The following WWOX variants were observed in gnomAD, a reference collection of about 807,000 sequenced individuals.
The protein encoded by WWOX is WW domain-containing oxidoreductase.
Under a neutral mutation model 46.2 loss-of-function variants are expected in WWOX, and 69 were observed. The ratio of observed to expected loss-of-function variants is 1.49; its 90% CI spans 1.23 to 1.82. The LOEUF (loss-of-function observed/expected upper bound fraction) is 1.82. Among genes scored for constraint, WWOX ranks in the 40% most tolerant of loss-of-function variants. The pLI is 0.00. For synonymous variants in WWOX, 359 were observed against 202.6 expected (o/e 1.77, Z -6.56); for missense variants, 919 against 542.6 (o/e 1.69, Z -6.89).
intron 8 of WWOX, among the ~76,000 whole-genome samples, chr16:78,839,276 C>G (rs2052074231): frequency 6.6e-6 from 1 of 152,120 alleles, no homozygotes; most frequent in African/African-American, 2.4e-5. Flanking sequence ...TCCAGTCTCT[C>G]TCTTCTGTTC....
At chr16:78,633,222 A>G (rs990172955) in intron 8 of WWOX, among the ~76,000 whole-genome samples, 2 of 152,202 alleles carry the variant, frequency 1.3e-5, no homozygotes, top group Non-Finnish European at 2.9e-5. Flanking sequence ...AGATCGTGCC[A>G]CTGCGCTCCA....
intron 8 of WWOX, among the ~76,000 whole-genome samples, chr16:78,836,164 T>G (rs1294353252): frequency 6.7e-6 from 1 of 149,716 alleles, no homozygotes; most frequent in Non-Finnish European, 1.5e-5. Context: ...ATAACAGCAG[T>G]GGTTAACATG....
chr16:78,530,667 C>T (rs1240342651), intron 8 of WWOX, among the ~76,000 whole-genome samples: 1 of 152,190 alleles, frequency 6.6e-6, no homozygotes, highest in African/African-American at 2.4e-5. Context: ...CTTTGGGCCA[C>T]AGTTCCAGGC....
At chr16:79,189,158 T>G (rs980721294) in intron 8 of WWOX, among the ~76,000 whole-genome samples, 1 of 152,216 alleles carries the variant, frequency 6.6e-6, no homozygotes, top group Admixed American at 6.5e-5. Flanking sequence ...ACTTTCTGTT[T>G]CCAGCATGGT....
chr16:78,306,556 A>G (rs563233613), intron 5 of WWOX, among the ~76,000 whole-genome samples: 7 of 152,096 alleles, frequency 4.6e-5, no homozygotes, highest in Non-Finnish European at 8.8e-5. Context: ...GCTTGCTTCC[A>G]CTTGTGGCCA....
At chr16:78,572,219 C>T (rs974695746) in intron 8 of WWOX, among the ~76,000 whole-genome samples, 2 of 152,144 alleles carry the variant, frequency 1.3e-5, no homozygotes, top group Admixed American at 6.5e-5. Flanking sequence ...CACATTCCTG[C>T]ATAGGAGATA....
chr16:78,261,788 C>CTAGAGATATATATATATATATA (rs1491587303), intron 5 of WWOX, among the ~76,000 whole-genome samples: 21 of 73,750 alleles, frequency 2.8e-4, no homozygotes, highest in African/African-American at 1.1e-3. Flanking sequence ...ATCTATCTAT[C>CTAGAGATATATATATATATATA]TATATATATA....
intron 8 of WWOX, among the ~76,000 whole-genome samples, chr16:78,786,954 C>G (rs866194022): frequency 1.3e-5 from 2 of 152,070 alleles, no homozygotes; most frequent in East Asian, 1.9e-4. Flanking sequence ...TAGAGATGAG[C>G]CTGGGCAACA....
chr16:78,815,978 G>C (rs2051320227), intron 8 of WWOX, among the ~76,000 whole-genome samples: 1 of 152,180 alleles, frequency 6.6e-6, no homozygotes, highest in African/African-American at 2.4e-5. Flanking sequence ...GACCTTGTGT[G>C]TCCTTCCTGG....
intron 8 of WWOX, among the ~76,000 whole-genome samples, chr16:79,119,765 C>T (rs144936509): frequency 3.6e-4 from 55 of 152,262 alleles, no homozygotes; most frequent in Admixed American, 1.0e-3. Context: ...GGCTTCTCCA[C>T]GATGCTGTTG....
intron 5 of WWOX, among the ~76,000 whole-genome samples, chr16:78,362,461 T>A (rs1335759043): frequency 6.6e-6 from 1 of 152,014 alleles, no homozygotes; most frequent in African/African-American, 2.4e-5. Flanking sequence ...AATACAAAAA[T>A]TAACAGGCGT....
At chr16:79,080,766 A>G (rs1314018436) in intron 8 of WWOX, among the ~76,000 whole-genome samples, 1 of 152,176 alleles carries the variant, frequency 6.6e-6, no homozygotes, top group Non-Finnish European at 1.5e-5. Context: ...CAGGAGTTTG[A>G]GACCAGCCCG....
At chr16:78,961,870 T>G (rs1292809745) in intron 8 of WWOX, among the ~76,000 whole-genome samples, 1 of 152,212 alleles carries the variant, frequency 6.6e-6, no homozygotes, top group South Asian at 2.1e-4. Context: ...GCAGAAATCA[T>G]TCTGTGGTTC....
rs114553375 is a variant in WWOX, at chr16:78,161,111, G to A, written c.410-3072G>A. 9.8e-3 allele frequency among the ~76,000 whole-genome samples: 1,478 copies of A among 150,932 alleles called. 13 individuals carry two copies. Among genetic ancestry groups the A allele is most frequent in the Middle Eastern group, 0.021 (6 of 290 alleles). ...AGCTATATCAGATTTCTTTTGGCCCGTGTTATACAGTATACCTTTTCTATT... is the reference window on the plus strand; with the variant it reads ...AGCTATATCAGATTTCTTTTGGCCCATGTTATACAGTATACCTTTTCTATT... On this transcript the variant is annotated intron_variant, in intron 4 of 8. Transcript: ENST00000566780.
chr16:78,678,269 A>C (rs1297453217), intron 8 of WWOX, among the ~76,000 whole-genome samples: 1 of 152,196 alleles, frequency 6.6e-6, no homozygotes, highest in Non-Finnish European at 1.5e-5. Flanking sequence ...CTGGCTACTC[A>C]GGAGGCTGAG....
chr16:79,073,017 A>G, intron 8 of WWOX, among the ~76,000 whole-genome samples: 1 of 152,116 alleles, frequency 6.6e-6, no homozygotes, highest in Non-Finnish European at 1.5e-5. Context: ...GTTCATCAGC[A>G]CACCCATATC....
chr16:79,173,984 A>C (rs1296478849), intron 8 of WWOX, among the ~76,000 whole-genome samples: 2 of 152,186 alleles, frequency 1.3e-5, no homozygotes, highest in Admixed American at 1.3e-4. Flanking sequence ...ATGCCTCCCT[A>C]GTGAAATCTG....
chr16:78,266,790 C>CTCTCTCTT, intron 5 of WWOX, among the ~76,000 whole-genome samples: 1 of 80,558 alleles, frequency 1.2e-5, no homozygotes, highest in African/African-American at 5.5e-5. Context: ...TTCTTCTATT[C>CTCTCTCTT]TCTCTCTCTC....
chr16:78,679,181 G>A lies in WWOX; in HGVS notation c.1056+246429G>A, dbSNP rs189140554. Reference sequence around the variant, plus strand: ...CCCCCAGTGACCTGCTTTGTGAAAGGTAGAGAATAGATTACAGGTGCCCGA... The same window carrying A: ...CCCCCAGTGACCTGCTTTGTGAAAGATAGAGAATAGATTACAGGTGCCCGA... On this transcript the variant is annotated intron_variant, in intron 8 of 8. Transcript: ENST00000566780. 6.6e-5 allele frequency among the ~76,000 whole-genome samples: 10 copies of A among 151,878 alleles called. No homozygotes were observed. The South Asian group carries it at 8.4e-4, about 13-fold the overall frequency.
Sources: gnomAD v4.1 joint callset for allele counts (sites outside exome capture counted in the v4.1 genomes callset) on GRCh38, gnomAD v4.1.1 for gene constraint, MANE v1.5 for transcripts, NCBI Gene and HGNC (gene_info 2026-07-23, HGNC 2026-07-21) for gene names.